Variants in SDK1 observed in about 807,000 individuals in gnomAD.
SDK1 encodes protein sidekick-1.
In SDK1, 157 loss-of-function variants were observed where a neutral mutation model predicts 245.5. That is an observed-to-expected ratio of 0.64 (90% CI 0.56 to 0.73). The LOEUF is 0.73. Among genes scored for constraint, SDK1 ranks in the 30% least tolerant of loss-of-function variants. The pLI, the probability that SDK1 is intolerant of heterozygous loss-of-function variation, is 0.00. For missense variants in SDK1, 3,583 were observed against 3,002.3 expected, an observed-to-expected ratio of 1.19 and a Z score of -4.52; for synonymous variants, 1,647 against 1,278.5, an observed-to-expected ratio of 1.29 and a Z score of -6.15.
intron 11 of SDK1, among the ~76,000 whole-genome samples, chr7:3,970,315 T>A (rs1782387585): frequency 6.6e-6 from 1 of 152,220 alleles, no homozygotes; most frequent in Admixed American, 6.5e-5. Context: ...ATGGTTGGTG[T>A]CCACTTTGAT....
Position 4,068,339 on chromosome 7 carries a change from C to T in SDK1, c.3010+403C>T, listed in dbSNP as rs115860572. Reference sequence around the variant, plus strand: ...TTTACAGATGAGGAAACTGAGGCCCCGAGAGGGTGGGTGACCTTTCCTTCA... The same window carrying T: ...TTTACAGATGAGGAAACTGAGGCCCTGAGAGGGTGGGTGACCTTTCCTTCA... On this transcript the variant is annotated intron_variant, in intron 20 of 44. Transcript: ENST00000404826. Among the ~76,000 whole-genome samples, 1,118 of 152,258 alleles carry T rather than the reference C, an allele frequency of 7.3e-3. 15 individuals are homozygous for T. Among genetic ancestry groups the T allele is most frequent in the African/African-American group, 0.025 (1,053 of 41,552 alleles).
intron 4 of SDK1, among the ~76,000 whole-genome samples, chr7:3,807,024 C>A (rs1335311541): frequency 1.3e-5 from 2 of 152,094 alleles, no homozygotes; most frequent in East Asian, 1.9e-4. Context: ...CCAGGCAAAT[C>A]TGAAGTTGTC....
intron 22 of SDK1, among the ~76,000 whole-genome samples, chr7:4,103,650 C>T (rs1782720943): frequency 6.6e-6 from 1 of 152,218 alleles, no homozygotes; most frequent in South Asian, 2.1e-4. Context: ...TTTGTAAATT[C>T]GTTAATGCAT....
intron 1 of SDK1, among the ~76,000 whole-genome samples, chr7:3,467,566 G>C (rs184188692): frequency 1.3e-5 from 2 of 151,976 alleles, no homozygotes; most frequent in Admixed American, 6.6e-5. Context: ...AATAATTATA[G>C]TAAATTATTT....
At chr7:3,574,509 G>C (rs906124102) in intron 1 of SDK1, among the ~76,000 whole-genome samples, 1 of 152,070 alleles carries the variant, frequency 6.6e-6, no homozygotes, top group Admixed American at 6.5e-5. Flanking sequence ...AACGGGGCTA[G>C]CATGCTTGTT....
chr7:4,264,398 TC>T (rs1788300386), intron 44 of SDK1, among the ~76,000 whole-genome samples: 1 of 135,526 alleles, frequency 7.4e-6, no homozygotes, highest in African/African-American at 2.7e-5. Context: ...TGTGGACCTC[TC>T]CTGGGGTAAG....
At chr7:4,203,038 A>C (rs12669193) in intron 35 of SDK1, among the ~76,000 whole-genome samples, 69,769 of 152,014 alleles carry the variant, frequency 0.46, 16,551 homozygotes, top group African/African-American at 0.56. Context: ...GACGGCGAGC[A>C]CAGGGAGGTT....
At chr7:3,806,545 T>C (rs1289032880) in intron 4 of SDK1, among the ~76,000 whole-genome samples, 1 of 152,250 alleles carries the variant, frequency 6.6e-6, no homozygotes, top group Non-Finnish European at 1.5e-5. Flanking sequence ...AGCGAAGAAT[T>C]TTCTGTGGCC....
chr7:3,476,066 T>G (rs1437881661), intron 1 of SDK1: 1 of 152,672 alleles, frequency 6.5e-6, no homozygotes, highest in East Asian at 1.9e-4. Context: ...ATTTTAAAAC[T>G]CAATTTAAAA....
At chr7:3,658,641 A>G (rs1200083638) in intron 4 of SDK1, among the ~76,000 whole-genome samples, 2 of 127,316 alleles carry the variant, frequency 1.6e-5, no homozygotes, top group Non-Finnish European at 3.1e-5. Context: ...AGACAGACTC[A>G]CAGTCTGTCA....
intron 5 of SDK1, among the ~76,000 whole-genome samples, chr7:3,891,562 A>T (rs1322632901): frequency 2.0e-5 from 3 of 151,826 alleles, no homozygotes; most frequent in Admixed American, 2.0e-4. Context: ...ATTCCGGTCA[A>T]CCCCGTGTGC....
intron 1 of SDK1, among the ~76,000 whole-genome samples, chr7:3,319,281 A>G (rs944691078): frequency 6.6e-6 from 1 of 152,100 alleles, no homozygotes. Context: ...CAGGAGAGGG[A>G]TGGCTCTCAT....
intron 2 of SDK1, among the ~76,000 whole-genome samples, chr7:3,631,230 A>T (rs568447572): frequency 3.2e-4 from 48 of 152,274 alleles, no homozygotes; most frequent in Non-Finnish European, 6.0e-4. Context: ...CACCACACTC[A>T]GCTTCTAATG....
In SDK1 at chr7:3,485,612, T is replaced by G. The variant is rs191434237; in HGVS notation, c.299-133468T>G. On this transcript the variant is annotated intron_variant, in intron 1 of 44. Transcript: ENST00000404826. ...TCATCTCCCATCTGATTTTTAGCTG[T>G]TATGAAAATGCTTTCTTGTATGGAT... Among the ~76,000 whole-genome samples, 172 of 151,468 alleles carry G rather than the reference T, an allele frequency of 1.1e-3. 2 individuals are homozygous for G. In the South Asian group the frequency reaches 0.013, roughly 11 times the overall value.
chr7:4,149,992 C>T (rs1780246612), intron 30 of SDK1, among the ~76,000 whole-genome samples: 1 of 152,166 alleles, frequency 6.6e-6, no homozygotes, highest in Admixed American at 6.5e-5. Flanking sequence ...TCCACTCACT[C>T]AGTTGTTTAC....
chr7:3,984,458 T>C (rs760321623), intron 13 of SDK1, among the ~76,000 whole-genome samples: 2 of 152,172 alleles, frequency 1.3e-5, no homozygotes, highest in South Asian at 2.1e-4. Flanking sequence ...TTTTAGAATT[T>C]AGAATTCGAT....
At chr7:3,579,318 G>C (rs1780407493) in intron 1 of SDK1, among the ~76,000 whole-genome samples, 1 of 152,094 alleles carries the variant, frequency 6.6e-6, no homozygotes, top group Non-Finnish European at 1.5e-5. Flanking sequence ...AGCACAAAAG[G>C]ACTCCACCAT....
At chr7:4,100,247 ACT>A (rs1782446156) in intron 22 of SDK1, among the ~76,000 whole-genome samples, 1 of 152,094 alleles carries the variant, frequency 6.6e-6, no homozygotes, top group African/African-American at 2.4e-5. Flanking sequence ...AGGTTGCAGG[ACT>A]CAGCTCAGAC....
chr7:3,405,552 T>C (rs1035337637), intron 1 of SDK1, among the ~76,000 whole-genome samples: 8 of 152,302 alleles, frequency 5.3e-5, no homozygotes, highest in Admixed American at 2.6e-4. Flanking sequence ...CTAGACTGTT[T>C]TATCTGTTTG....
Sources: allele counts gnomAD v4.1 joint callset (sites outside exome capture counted in the v4.1 genomes callset), GRCh38; gene constraint gnomAD v4.1.1; transcripts MANE v1.5; gene names NCBI Gene and HGNC (gene_info 2026-07-23, HGNC 2026-07-21).